NLGN1: variants seen among roughly 807,000 people sequenced by gnomAD.
NLGN1 encodes neuroligin-1.
NLGN1 carries 12 observed loss-of-function variants against 65.5 expected under a neutral mutation model. The observed-to-expected ratio is 0.18, with a 90% CI of 0.12 to 0.30. The LOEUF is 0.30. Among genes scored for constraint, NLGN1 ranks in the 10% least tolerant of loss-of-function variants. NLGN1 has a pLI of 1.00. For synonymous variants in NLGN1, 350 were observed against 359.5 expected (o/e 0.97, Z 0.30); for missense variants, 750 against 1,007.1 (o/e 0.74, Z 3.46).
chr3:174,176,128 T>G (rs1291666387), intron 4 of NLGN1, among the ~76,000 whole-genome samples: 1 of 151,912 alleles, frequency 6.6e-6, no homozygotes, highest in African/African-American at 2.4e-5. Context: ...TTGAATACTT[T>G]ATTTTACTAT....
Position 174,234,645 on chromosome 3 carries a change from A to G in NLGN1, c.647-40670A>G, listed in dbSNP as rs1741325932. Among the ~76,000 whole-genome samples, 4 of 152,132 alleles carry G rather than the reference A, an allele frequency of 2.6e-5. No homozygotes were observed. In the South Asian group the frequency reaches 8.3e-4, roughly 32 times the overall value. On this transcript the variant is annotated intron_variant, in intron 4 of 6. Coordinates refer to ENST00000457714, the Ensembl canonical transcript of NLGN1. The stretch of plus-strand genomic sequence containing the variant: ...CTTTTCTTGGAGCTGGCTGCAAGCA[A>G]TTATTTTAGAGAAACAATGTAACAA...
chr3:173,773,338 T>A (rs1462238674), intron 3 of NLGN1, among the ~76,000 whole-genome samples: 1 of 152,236 alleles, frequency 6.6e-6, no homozygotes, highest in Non-Finnish European at 1.5e-5. Context: ...AACATTTTTT[T>A]ATTAATCTTT....
intron 3 of NLGN1, among the ~76,000 whole-genome samples, chr3:173,666,371 T>A (rs185501090): frequency 3.9e-5 from 6 of 152,246 alleles, no homozygotes; most frequent in African/African-American, 1.2e-4. Context: ...CTCAGATGTA[T>A]TTTCCCCAAA....
intron 4 of NLGN1, among the ~76,000 whole-genome samples, chr3:174,019,049 G>A (rs182580010): frequency 2.0e-5 from 3 of 151,506 alleles, no homozygotes; most frequent in Non-Finnish European, 4.4e-5. Flanking sequence ...GTCACAAAAT[G>A]GAGTATTAAT....
chr3:173,679,521 C>T (rs564399800), intron 3 of NLGN1, among the ~76,000 whole-genome samples: 2 of 152,110 alleles, frequency 1.3e-5, no homozygotes, highest in South Asian at 2.1e-4. Context: ...AGGTTATCTC[C>T]ATGTGTTGGA....
In NLGN1 at chr3:173,834,700, C is replaced by T. The variant is rs141629496; in HGVS notation, c.646+26868C>T. On this transcript the variant is annotated intron_variant, in intron 4 of 6. Coordinates refer to ENST00000457714, the Ensembl canonical transcript of NLGN1. ...CAATCAAATACGTGAAGAAATTGAA[C>T]ATCAGAAAAGTTAAGCAACTTACAT... is the stretch of plus-strand genomic sequence containing the variant. Among the ~76,000 whole-genome samples, 542 of 152,242 alleles carry T rather than the reference C, an allele frequency of 3.6e-3. 1 individual carries two copies. The highest frequency in any genetic ancestry group is 6.1e-3 in the Non-Finnish European group (416 of 68,018).
chr3:173,545,161 G>T (rs1469693025), intron 2 of NLGN1, among the ~76,000 whole-genome samples: 1 of 152,006 alleles, frequency 6.6e-6, no homozygotes, highest in Non-Finnish European at 1.5e-5. Flanking sequence ...TGCAACCTCT[G>T]CCTCCCAGAT....
At chr3:173,696,844 T>C (rs995543155) in intron 3 of NLGN1, among the ~76,000 whole-genome samples, 1 of 152,322 alleles carries the variant, frequency 6.6e-6, no homozygotes, top group Admixed American at 6.5e-5. Flanking sequence ...ATCACAGTCT[T>C]TTGTATTCAC....
At chr3:173,407,144 T>A (rs1395185114) in intron 1 of NLGN1, among the ~76,000 whole-genome samples, 2 of 152,130 alleles carry the variant, frequency 1.3e-5, no homozygotes, top group African/African-American at 4.8e-5. Context: ...TTAAATAGAG[T>A]TCAGAGATTA....
At chr3:173,638,173 G>A (rs953569650) in intron 3 of NLGN1, among the ~76,000 whole-genome samples, 1 of 151,434 alleles carries the variant, frequency 6.6e-6, no homozygotes, top group Non-Finnish European at 1.5e-5. Context: ...TGAATAAATA[G>A]GGGAATGCAT....
chr3:173,579,598 G>A (rs1392438130), intron 2 of NLGN1, among the ~76,000 whole-genome samples: 1 of 152,204 alleles, frequency 6.6e-6, no homozygotes, highest in Non-Finnish European at 1.5e-5. Context: ...CCAGGCAGGT[G>A]TGTTCTCCCA....
chr3:173,539,897 G>C (rs1738521898), intron 2 of NLGN1, among the ~76,000 whole-genome samples: 1 of 144,626 alleles, frequency 6.9e-6, no homozygotes, highest in Non-Finnish European at 1.5e-5. Flanking sequence ...TTATATATAT[G>C]TTATAAATGT....
chr3:174,205,266 T>C (rs899217087), intron 4 of NLGN1, among the ~76,000 whole-genome samples: 12 of 152,182 alleles, frequency 7.9e-5, no homozygotes, highest in Non-Finnish European at 5.9e-5. Context: ...TATCATATTC[T>C]GTTTTTAGAA....
rs756641890 is a variant in NLGN1, at chr3:174,279,186, T to G, written c.1185T>G (p.Phe395Leu). ...TGAACCAAGGGGAAGGGTTAAAATT[T>G]GTTGAAAATATAGTAGATAGCGATG... Residue 395 changes from phenylalanine (F) to leucine (L), a missense_variant, in exon 6 of 7, where the codon TTT (phenylalanine) becomes TTG (leucine). By Grantham distance (22) the Phe-to-Leu change is conservative (BLOSUM62 0). Transcript: ENST00000457714. The surrounding 1 kb of genome is among the most constrained non-coding windows in gnomAD (Gnocchi z 4.7). 1.2e-6 allele frequency: 2 copies of G among 1,613,260 alleles called. No individual in the cohort carries two copies. Among genetic ancestry groups the G allele is most frequent in the Non-Finnish European group, 1.7e-6 (2 of 1,179,572 alleles).
chr3:173,769,994 A>C (rs1779348752), intron 3 of NLGN1, among the ~76,000 whole-genome samples: 2 of 152,218 alleles, frequency 1.3e-5, no homozygotes, highest in African/African-American at 4.8e-5. Context: ...CAAGGCAATT[A>C]ATGGAGGCCC....
At chr3:174,054,057 A>G (rs1171774613) in intron 4 of NLGN1, among the ~76,000 whole-genome samples, 3 of 152,062 alleles carry the variant, frequency 2.0e-5, no homozygotes, top group Non-Finnish European at 4.4e-5. Flanking sequence ...TAAGGACATA[A>G]CAACAGTTTG....
At chr3:174,004,109 C>T (rs1723876706) in intron 4 of NLGN1, among the ~76,000 whole-genome samples, 1 of 152,098 alleles carries the variant, frequency 6.6e-6, no homozygotes, top group South Asian at 2.1e-4. Context: ...AATCGAGCAT[C>T]AGATCCACAA....
At chr3:174,012,016 T>A (rs73880306) in intron 4 of NLGN1, among the ~76,000 whole-genome samples, 4,954 of 152,218 alleles carry the variant, frequency 0.033, 285 homozygotes, top group African/African-American at 0.11. Context: ...CAACTTCTCC[T>A]CAAAGCTTTC....
At chr3:173,724,746 C>T (rs144196860) in intron 3 of NLGN1, among the ~76,000 whole-genome samples, 4,048 of 152,166 alleles carry the variant, frequency 0.027, 75 homozygotes, top group South Asian at 0.067. Flanking sequence ...ATGTTTATTG[C>T]GGCACTATTC....
Sources: gnomAD v4.1 joint callset for allele counts (sites outside exome capture counted in the v4.1 genomes callset) on GRCh38, gnomAD v4.1.1 for gene constraint, Gnocchi (gnomAD v3.1) non-coding constraint, MANE v1.5 for transcripts, NCBI Gene and HGNC (gene_info 2026-07-23, HGNC 2026-07-21) for gene names.